COL25A1: variants seen among roughly 807,000 people sequenced by gnomAD.
COL25A1 encodes the protein collagen type XXV alpha 1 chain.
Under a neutral mutation model 128.4 loss-of-function variants are expected in COL25A1, and 103 were observed. The ratio of observed to expected loss-of-function variants is 0.80; its 90% confidence interval spans 0.68 to 0.94. COL25A1 has a LOEUF of 0.94. Ranked by LOEUF, COL25A1 falls within the 40% of genes least tolerant of loss-of-function variation. The pLI is 0.00. For synonymous variants in COL25A1, 279 were observed against 277.2 expected (o/e 1.01, Z -0.06); for missense variants, 745 against 840.0 (o/e 0.89, Z 1.40).
chr4:109,059,177 A>G (rs1761717673), intron 3 of COL25A1, among the ~76,000 whole-genome samples: 1 of 152,192 alleles, frequency 6.6e-6, no homozygotes, highest in South Asian at 2.1e-4. Context: ...CGCACCTTGC[A>G]CTGGGCTAAG....
At chr4:109,174,808 T>C (rs1296109278) in intron 3 of COL25A1, among the ~76,000 whole-genome samples, 1 of 152,132 alleles carries the variant, frequency 6.6e-6, no homozygotes, top group Admixed American at 6.6e-5. Flanking sequence ...AGACTAGGGG[T>C]CCTCAAAGCC....
chr4:109,232,990 G>A (rs1285636428), intron 3 of COL25A1, among the ~76,000 whole-genome samples: 3 of 152,164 alleles, frequency 2.0e-5, no homozygotes, highest in Non-Finnish European at 4.4e-5. Context: ...TATCTTCAGT[G>A]GAAAAGAGGA....
At position 108,886,492 on chromosome 4, in the gene COL25A1, G is replaced by GTGTGTGTGTGTTTT. The variant is rs58157157; in HGVS notation, c.976-2271_976-2270insAAAACACACACACA. 3.5e-3 allele frequency among the ~76,000 whole-genome samples: 382 copies of GTGTGTGTGTGTTTT among 109,254 alleles called. 8 individuals are homozygous for GTGTGTGTGTGTTTT. The highest frequency in any genetic ancestry group is 0.014 in the East Asian group (58 of 4,050). 71.7% of individuals were successfully genotyped at this position (109,254 alleles called of 152,430 possible). On this transcript the variant is annotated intron_variant, in intron 18 of 37. Transcript: ENST00000399132. ...TGTGTGTGTGTGTGTGTGTGTGTGT[G>GTGTGTGTGTGTTTT]TTTAGCTCATCAGCTATTTTATGTG... is the stretch of plus-strand genomic sequence containing the variant.
intron 13 of COL25A1, 125 bp downstream of exon 13, chr4:108,918,047 T>C: frequency 2.1e-6 from 1 of 466,758 alleles, no homozygotes; most frequent in Non-Finnish European, 3.8e-6. Context: ...ACAATTTTCC[T>C]GTATTTCAAA....
intron 5 of COL25A1, among the ~76,000 whole-genome samples, chr4:109,037,619 T>C (rs1451182142): frequency 6.6e-6 from 1 of 152,236 alleles, no homozygotes; most frequent in African/African-American, 2.4e-5. Context: ...AACTTTTCTC[T>C]AAAAGTGTGT....
chr4:109,178,562 C>A (rs988785223), intron 3 of COL25A1, among the ~76,000 whole-genome samples: 1 of 152,116 alleles, frequency 6.6e-6, no homozygotes, highest in Non-Finnish European at 1.5e-5. Flanking sequence ...CGGTGGCTCA[C>A]GCCTGTAATC....
intron 19 of COL25A1, among the ~76,000 whole-genome samples, chr4:108,874,751 G>A (rs1460391651): frequency 6.6e-6 from 1 of 152,152 alleles, no homozygotes; most frequent in African/African-American, 2.4e-5. Context: ...TAACAAAAAT[G>A]TCTAAGAAAA....
rs1328277350 is a variant in COL25A1, at chr4:108,841,738, G to A, written c.1630-17C>T. 1 of 1,602,530 alleles carries A rather than the reference G, an allele frequency of 6.2e-7. No individual in the cohort carries two copies. The highest frequency in any genetic ancestry group is 8.5e-7 in the Non-Finnish European group (1 of 1,169,782). On this transcript the variant is annotated splice_polypyrimidine_tract_variant and intron_variant, in intron 30 of 37. Transcript: ENST00000399132. ...ATGAGGTCCCTGAAAATGGAAAACA[G>A]AGCTTTTAATTAAGAATTGATTCCC...
intron 19 of COL25A1, among the ~76,000 whole-genome samples, chr4:108,872,373 G>A (rs1024017516): frequency 1.3e-5 from 2 of 152,126 alleles, no homozygotes; most frequent in African/African-American, 2.4e-5. Flanking sequence ...CTAAGATTGC[G>A]CCACTGCACT....
rs775138622 is a variant in COL25A1 at position 108,871,628 on chromosome 4, T to A, written c.1021-2478A>T. On this transcript the variant is annotated intron_variant, in intron 19 of 37. Coordinates refer to ENST00000399132, the MANE Select transcript of COL25A1 (RefSeq NM_198721.4). ...ACCGCACCGGGCCTGATTGGCTAAT[T>A]TTAAAGGCTTTGAGCATGATACATT... Among the ~76,000 whole-genome samples, 207 of 152,172 alleles carry A rather than the reference T, an allele frequency of 1.4e-3. 3 individuals carry two copies. Among genetic ancestry groups the A allele is most frequent in the Non-Finnish European group, 2.5e-3 (170 of 68,014 alleles).
At chr4:109,260,283 C>T (rs7695378) in intron 3 of COL25A1, among the ~76,000 whole-genome samples, 13,722 of 152,068 alleles carry the variant, frequency 0.09, 816 homozygotes, top group East Asian at 0.24. Context: ...TTGGAGAGAG[C>T]TACATAGAAA....
At chr4:109,103,135 C>A (rs1371413360) in intron 3 of COL25A1, among the ~76,000 whole-genome samples, 1 of 152,138 alleles carries the variant, frequency 6.6e-6, no homozygotes, top group Non-Finnish European at 1.5e-5. Context: ...TTGTCCTTAG[C>A]TGGTGCTACA....
At chr4:108,920,502 T>C in intron 12 of COL25A1, 76 bp downstream of exon 12, 2 of 1,159,912 alleles carry the variant, frequency 1.7e-6, no homozygotes, top group Non-Finnish European at 1.2e-6. Flanking sequence ...CAGTAGCTAA[T>C]TTCATTCACC....
At chr4:109,264,502 A>AC (rs558578657) in intron 3 of COL25A1, among the ~76,000 whole-genome samples, 104 of 152,364 alleles carry the variant, frequency 6.8e-4, no homozygotes, top group Middle Eastern at 3.4e-3. Flanking sequence ...AAATGGACAA[A>AC]CTTGAGAAAA....
chr4:109,053,198 G>T (rs1020018333), intron 3 of COL25A1, among the ~76,000 whole-genome samples: 6 of 152,124 alleles, frequency 3.9e-5, no homozygotes, highest in African/African-American at 1.4e-4. Context: ...AGGACAATTG[G>T]TACTATTCAT....
intron 27 of COL25A1, 41 bp downstream of exon 27, chr4:108,848,718 G>T (rs1735400481): frequency 2.2e-6 from 3 of 1,376,782 alleles, no homozygotes; most frequent in Admixed American, 1.7e-5. Flanking sequence ...TAGTAATCAA[G>T]AATGATGCTT....
intron 6 of COL25A1, among the ~76,000 whole-genome samples, chr4:108,976,161 T>C (rs879307056): frequency 7.2e-5 from 11 of 152,196 alleles, no homozygotes; most frequent in Admixed American, 7.2e-4. Context: ...CTTTCCATTT[T>C]AGTTTAGAAG....
chr4:108,869,728 T>C (rs1738467163), intron 19 of COL25A1, among the ~76,000 whole-genome samples: 1 of 152,174 alleles, frequency 6.6e-6, no homozygotes, highest in African/African-American at 2.4e-5. Flanking sequence ...TTTTTAACTA[T>C]TTGAGGTCAA....
intron 3 of COL25A1, among the ~76,000 whole-genome samples, chr4:109,086,505 C>T (rs3108958): frequency 0.23 from 35,206 of 152,040 alleles, 5,264 homozygotes; most frequent in African/African-American, 0.41. Context: ...TGTTTTGTGA[C>T]GAGATCTTTA....
Sources: allele counts gnomAD v4.1 joint callset (sites outside exome capture counted in the v4.1 genomes callset), GRCh38; gene constraint gnomAD v4.1.1; transcripts MANE v1.5; gene names NCBI Gene and HGNC (gene_info 2026-07-23, HGNC 2026-07-21).